Variants in SLC4A7 observed in about 807,000 individuals in gnomAD.
SLC4A7 encodes the protein solute carrier family 4 member 7, also known as sodium bicarbonate cotransporter 3.
In SLC4A7, 51 loss-of-function variants were observed where a neutral mutation model predicts 137.6. The ratio of observed to expected loss-of-function variants is 0.37; its 90% CI spans 0.30 to 0.47. The LOEUF is 0.47. SLC4A7 is among the 20% of genes least tolerant of loss of function. The probability of loss-of-function intolerance (pLI) is 1.00; values close to 1 mark genes in which losing one functional copy is unlikely to be tolerated. For missense variants in SLC4A7, 1,247 were observed against 1,525.4 expected (o/e 0.82, Z 3.04); for synonymous variants, 542 against 518.6 (o/e 1.05, Z -0.61).
At chr3:27,435,931 C>T (rs1328488459) in intron 5 of SLC4A7, among the ~76,000 whole-genome samples, 1 of 152,194 alleles carries the variant, frequency 6.6e-6, no homozygotes. Context: ...CCTAACACTA[C>T]TGAAGAAATC....
At chr3:27,396,357 A>AT (rs1182476561) in intron 18 of SLC4A7, among the ~76,000 whole-genome samples, 1 of 152,192 alleles carries the variant, frequency 6.6e-6, no homozygotes, top group African/African-American at 2.4e-5. Context: ...CCTGAAAGCC[A>AT]TATCAGTAAA....
chr3:27,415,805 G>A (rs879393336), intron 11 of SLC4A7, among the ~76,000 whole-genome samples: 2 of 152,162 alleles, frequency 1.3e-5, no homozygotes, highest in Non-Finnish European at 2.9e-5. Context: ...ATAGTAATCT[G>A]CACCCACATA....
chr3:27,469,691 T>A (rs2059155873), intron 1 of SLC4A7, among the ~76,000 whole-genome samples: 1 of 151,992 alleles, frequency 6.6e-6, no homozygotes, highest in Admixed American at 6.6e-5. Context: ...AAGCAGAGGT[T>A]GCAGTGAGCC....
chr3:27,386,566 T>C (rs764726750), intron 22 of SLC4A7, among the ~76,000 whole-genome samples: 1 of 152,128 alleles, frequency 6.6e-6, no homozygotes, highest in Non-Finnish European at 1.5e-5. Flanking sequence ...ACTTGGACTG[T>C]TGGTTTTTAT....
intron 1 of SLC4A7, among the ~76,000 whole-genome samples, chr3:27,465,306 A>G (rs1218821243): frequency 4.0e-5 from 6 of 151,570 alleles, no homozygotes; most frequent in Non-Finnish European, 8.8e-5. Context: ...AAAAAAAAAA[A>G]AAACCCACAA....
At chr3:27,402,011 G>C (rs1293801258) in intron 15 of SLC4A7, among the ~76,000 whole-genome samples, 3 of 152,166 alleles carry the variant, frequency 2.0e-5, no homozygotes, top group African/African-American at 7.2e-5. Context: ...GTCCGTCAAA[G>C]TTGAGAGTGT....
Position 27,379,350 on chromosome 3 carries a change from A to G in SLC4A7, c.3597T>C (p.Asp1199=), listed in dbSNP as rs1454049338. The G allele has an allele frequency of 2.0e-6, 3 of 1,512,814 alleles. No homozygotes were observed. The highest frequency in any genetic ancestry group is 2.7e-6 in the Non-Finnish European group (3 of 1,125,432). The allele number at this position is 1,512,814 out of a possible 1,614,324, so 93.7% of individuals were successfully genotyped here. ...CATCTGATATGTTAACAATTGAGGG[A>G]TCAACACTGAAGAACAAATACACTT... The part of the protein sequence containing the change: ...IPVKALKYSV[D]PSIVNISDEM... Residue 1199 remains aspartate (D), a synonymous_variant, in exon 25 of 26, where the codon GAT becomes GAC. Coordinates refer to ENST00000454389, the MANE Select transcript of SLC4A7 (RefSeq NM_001321103.2).
In SLC4A7 at chr3:27,397,584, C is replaced by T; in HGVS notation, c.2703+100G>A. ...TCAAAGCATCAGCCCTTCAAAGAGA[C>T]TACATACTTTTAAAACAATAACTAC... is the stretch of plus-strand genomic sequence containing the variant. On this transcript the variant is annotated intron_variant, in intron 18 of 25. Transcript: ENST00000454389. The T allele has an allele frequency of 4.5e-6, 3 of 673,732 alleles. No homozygotes were observed. The South Asian group carries it at 5.3e-5, about 12-fold the overall frequency. The allele number at this position is 673,732 out of a possible 1,614,324, so 41.7% of individuals were successfully genotyped here.
chr3:27,380,345 AT>A (rs1220072258), intron 24 of SLC4A7, among the ~76,000 whole-genome samples: 1 of 150,864 alleles, frequency 6.6e-6, no homozygotes, highest in Non-Finnish European at 1.5e-5. Context: ...AGTACTATCC[AT>A]TTATTACAAT....
At chr3:27,431,807 T>C (rs2056326843) in intron 6 of SLC4A7, 138 bp from the exon 7 acceptor site, 1 of 789,522 alleles carries the variant, frequency 1.3e-6, no homozygotes, top group African/African-American at 1.8e-5. Context: ...ATGGTTAGCA[T>C]GTCAATCGGG....
chr3:27,457,748 A>T (rs1004812023), intron 1 of SLC4A7, among the ~76,000 whole-genome samples: 13 of 152,060 alleles, frequency 8.5e-5, no homozygotes, highest in Non-Finnish European at 1.2e-4. Context: ...AATATCAAAA[A>T]TTTTTTTAAA....
chr3:27,391,795 G>C lies in SLC4A7; in HGVS notation c.3131C>G (p.Pro1044Arg), dbSNP rs1159111391. Residue 1044 changes from proline to arginine, a missense_variant, in exon 21 of 26, where the codon CCT (proline) becomes CGT (arginine). By Grantham distance (103) the Pro-to-Arg change is moderately radical. Transcript: ENST00000454389. Reference sequence around the variant, plus strand: ...ATAAAGGAAAACACCATACAGAACAGGCATTGGAATAAACTGTAAATAAAA... The same window carrying C: ...ATAAAGGAAAACACCATACAGAACACGCATTGGAATAAACTGTAAATAAAA... ...MTSVLKFIPM[P>R]VLYGVFLYMG... 1 of 1,591,020 alleles carries C rather than the reference G, an allele frequency of 6.3e-7. No homozygotes were observed.
At chr3:27,447,051 C>CTT (rs568905316) in intron 3 of SLC4A7, among the ~76,000 whole-genome samples, 19 of 131,434 alleles carry the variant, frequency 1.4e-4, no homozygotes, top group African/African-American at 5.3e-4. Context: ...GCCAGCTAAA[C>CTT]TTTTTTTTTT....
intron 20 of SLC4A7, among the ~76,000 whole-genome samples, chr3:27,393,815 T>A (rs2051844151): frequency 6.6e-6 from 1 of 151,934 alleles, no homozygotes; most frequent in African/African-American, 2.4e-5. Flanking sequence ...AATAAAAAAA[T>A]TAAAAATAAA....
intron 11 of SLC4A7, among the ~76,000 whole-genome samples, chr3:27,416,257 C>T (rs1206560322): frequency 6.6e-6 from 1 of 152,184 alleles, no homozygotes; most frequent in Non-Finnish European, 1.5e-5. Flanking sequence ...AACACTTGAG[C>T]TCACTGCAAT....
chr3:27,482,878 T>A (rs1450373516), intron 1 of SLC4A7, among the ~76,000 whole-genome samples: 1 of 152,240 alleles, frequency 6.6e-6, no homozygotes, highest in Non-Finnish European at 1.5e-5. Flanking sequence ...GACTTCACTG[T>A]CTGGTGACTG....
chr3:27,405,153 T>G (rs2053212732), intron 13 of SLC4A7, among the ~76,000 whole-genome samples, 190 bp from the exon 14 acceptor site: 1 of 152,198 alleles, frequency 6.6e-6, no homozygotes, highest in East Asian at 1.9e-4. Flanking sequence ...GAAAAAATGC[T>G]TTCTTTTTGC....
At chr3:27,478,377 G>C (rs753624304) in intron 1 of SLC4A7, among the ~76,000 whole-genome samples, 4 of 151,064 alleles carry the variant, frequency 2.6e-5, no homozygotes, top group Admixed American at 6.6e-5. Context: ...AATTAGCCGG[G>C]CGTGGTGGCG....
intron 1 of SLC4A7, among the ~76,000 whole-genome samples, chr3:27,470,460 G>A (rs2059191364): frequency 6.6e-6 from 1 of 150,540 alleles, no homozygotes. Flanking sequence ...TAAATACTTG[G>A]GTGTTAACAT....
Sources: gnomAD v4.1 joint callset for allele counts (sites outside exome capture counted in the v4.1 genomes callset) on GRCh38, gnomAD v4.1.1 for gene constraint, MANE v1.5 for transcripts, NCBI Gene and HGNC (gene_info 2026-07-23, HGNC 2026-07-21) for gene names.